The following AGTPBP1 variants were observed in gnomAD, a reference collection of about 807,000 sequenced individuals.
The protein encoded by AGTPBP1 is cytosolic carboxypeptidase 1.
AGTPBP1 carries 70 observed loss-of-function variants against 143.9 expected under a neutral mutation model. The ratio of observed to expected loss-of-function variants is 0.49; its 90% CI spans 0.40 to 0.59. AGTPBP1 has a LOEUF of 0.59. Among genes scored for constraint, AGTPBP1 ranks in the 20% least tolerant of loss-of-function variants. AGTPBP1 has a pLI of 0.00. For missense variants in AGTPBP1, 1,229 were observed against 1,464.5 expected, an observed-to-expected ratio of 0.84 and a Z score of 2.62; for synonymous variants, 463 against 500.2, an observed-to-expected ratio of 0.93 and a Z score of 0.99.
chr9:85,751,866 C>G, the AGTPBP1 span, among the ~76,000 whole-genome samples: 1 of 151,598 alleles, frequency 6.6e-6, no homozygotes, highest in Non-Finnish European at 1.5e-5. Flanking sequence ...CTCGGCCTCC[C>G]AAAGTGCTGG....
At chr9:85,601,484 C>T (rs1187407187) in intron 17 of AGTPBP1, among the ~76,000 whole-genome samples, 1 of 152,198 alleles carries the variant, frequency 6.6e-6, no homozygotes, top group Non-Finnish European at 1.5e-5. Flanking sequence ...GCGGATGGGC[C>T]ACCTCATCTG....
intron 25 of AGTPBP1, among the ~76,000 whole-genome samples, chr9:85,550,491 C>T (rs1349631862): frequency 6.6e-6 from 1 of 152,126 alleles, no homozygotes; most frequent in East Asian, 1.9e-4. Flanking sequence ...TTCCTCAAAC[C>T]TAGGCACTGT....
At position 85,632,694 on chromosome 9, in the gene AGTPBP1, C is replaced by A. The variant is rs201714218; in HGVS notation, c.1983G>T (p.Glu661Asp). ...YFGHIPPPFKEPILERPYGVQ... is the reference protein window; with the variant it reads ...YFGHIPPPFKDPILERPYGVQ... The stretch of plus-strand genomic sequence containing the variant: ...CACCATAAGGCCTTTCTAAAATAGG[C>A]TCTTTGAATGGAGGCGGAATGTGAC... Residue 661 changes from glutamate (E) to aspartate (D), a missense_variant, in exon 14 of 26, where the codon GAG (glutamate) becomes GAT (aspartate). Around this residue, in one of 2 missense-constraint regions of AGTPBP1, gnomAD observed 743 missense variants for 812.2 expected, o/e 0.91. Transcript: ENST00000357081. 8.7e-6 allele frequency: 14 copies of A among 1,611,784 alleles called. No homozygotes were observed. Among genetic ancestry groups the A allele is most frequent in the Non-Finnish European group, 9.3e-6 (11 of 1,178,984 alleles).
chr9:85,668,342 A>G (rs1834257994), intron 8 of AGTPBP1, among the ~76,000 whole-genome samples: 1 of 152,030 alleles, frequency 6.6e-6, no homozygotes, highest in African/African-American at 2.4e-5. Flanking sequence ...TTTAGATTGT[A>G]TTAAGTAAGT....
chr9:85,559,616 G>A (rs1448823710), intron 25 of AGTPBP1, among the ~76,000 whole-genome samples: 1 of 129,656 alleles, frequency 7.7e-6, no homozygotes, highest in African/African-American at 3.3e-5. Context: ...AGAAACTAGG[G>A]ACTGATAAGA....
chr9:85,561,486 CAT>C (rs1274363213), intron 25 of AGTPBP1, among the ~76,000 whole-genome samples: 1 of 151,914 alleles, frequency 6.6e-6, no homozygotes, highest in East Asian at 1.9e-4. Context: ...CAACAGAATC[CAT>C]ATCTTTGATG....
At chr9:85,708,801 G>A (rs932733059) in intron 2 of AGTPBP1, among the ~76,000 whole-genome samples, 3 of 152,200 alleles carry the variant, frequency 2.0e-5, no homozygotes, top group Admixed American at 6.5e-5. Flanking sequence ...CTCCCAAAGT[G>A]CTGGGATTAC....
In AGTPBP1 at chr9:85,636,258, T is replaced by C. The variant is rs1832035244; in HGVS notation, c.1303-2884A>G. On this transcript the variant is annotated intron_variant, in intron 13 of 25. Transcript: ENST00000357081. ...CTGATTAAATGCATTTTGTAAGGTT[T>C]CTTTTTTTTTTTTTTTTTTTTTGAG... 6.5e-5 allele frequency among the ~76,000 whole-genome samples: 9 copies of C among 139,510 alleles called. 1 individual carries two copies. The South Asian group carries it at 1.8e-3, about 28-fold the overall frequency. The allele number at this position is 139,510 out of a possible 152,430, so 91.5% of individuals were successfully genotyped here.
the AGTPBP1 span, among the ~76,000 whole-genome samples, chr9:85,775,153 A>C: frequency 6.6e-6 from 1 of 152,072 alleles, no homozygotes; most frequent in South Asian, 2.1e-4. Context: ...AGATACAAAA[A>C]ACTAGCCAAG....
rs1322646442 is a variant in AGTPBP1, at chr9:85,578,921, T to C, written c.3341A>G (p.Lys1114Arg). The C allele has an allele frequency of 6.2e-7, 1 of 1,612,354 alleles. No homozygotes were observed. Among genetic ancestry groups the C allele is most frequent in the Non-Finnish European group, 8.5e-7 (1 of 1,179,376 alleles). Residue 1114 changes from lysine to arginine, a missense_variant and splice_region_variant, in exon 24 of 26, where the codon AAG (lysine) becomes AGG (arginine). Coordinates refer to ENST00000357081, the MANE Select transcript of AGTPBP1 (RefSeq NM_001330701.2). ...TLCGCDQGKY[K>R]GLQIGTRELE... is the part of the protein sequence containing the mutation. ...GTTAGAAAACCTAAGATGTTTTACC[T>C]TGTATTTTCCCTGATCACAGCCACA...
chr9:85,630,461 C>CGATT (rs71372435), intron 14 of AGTPBP1, among the ~76,000 whole-genome samples: 4,416 of 148,902 alleles, frequency 0.03, 135 homozygotes, highest in African/African-American at 0.073. Flanking sequence ...TGCAGTGGCA[C>CGATT]GATTGATTGA....
At position 85,686,347 on chromosome 9, in the gene AGTPBP1, A is replaced by C. The variant is rs527465915; in HGVS notation, c.158-5012T>G. ...ACAAAATAAACTTCAGACAAAGAACACTGCCAGAGATAAAGAGAAACTTTC... is the reference window on the plus strand; with the variant it reads ...ACAAAATAAACTTCAGACAAAGAACCCTGCCAGAGATAAAGAGAAACTTTC... On this transcript the variant is annotated intron_variant, in intron 3 of 25. Transcript: ENST00000357081. Among the ~76,000 whole-genome samples the C allele has an allele frequency of 5.9e-5, 9 of 152,228 alleles. No homozygotes were observed. The East Asian group carries it at 1.5e-3, about 26-fold the overall frequency.
At chr9:85,726,236 A>AC (rs1014529662) in intron 1 of AGTPBP1, among the ~76,000 whole-genome samples, 1 of 151,442 alleles carries the variant, frequency 6.6e-6, no homozygotes, top group Admixed American at 6.6e-5. Context: ...TCTCAAAAAA[A>AC]AAAAAACAAA....
chr9:85,594,775 C>T (rs745589722), intron 18 of AGTPBP1, among the ~76,000 whole-genome samples: 4 of 152,126 alleles, frequency 2.6e-5, no homozygotes, highest in Non-Finnish European at 5.9e-5. Context: ...TTTGCCATCA[C>T]CCCTTACACA....
chr9:85,676,371 G>T (rs1185008210), intron 6 of AGTPBP1, among the ~76,000 whole-genome samples: 2 of 151,932 alleles, frequency 1.3e-5, no homozygotes, highest in African/African-American at 4.8e-5. Flanking sequence ...AAAGAGAAAG[G>T]ATTTTTTAAA....
At position 85,638,358 on chromosome 9, in the gene AGTPBP1, T is replaced by TA. The variant is rs965140712; in HGVS notation, c.1302+4468dup. Among the ~76,000 whole-genome samples, 10 of 150,908 alleles carry TA rather than the reference T, an allele frequency of 6.6e-5. No individual in the cohort carries two copies. The South Asian group carries it at 1.9e-3, about 28-fold the overall frequency. ...TATACCTCAAAAAAGTTGATTAAAA[T>TA]AAAAAAAAGACTGTATATACAGTTT... On this transcript the variant is annotated intron_variant, in intron 13 of 25. Coordinates refer to ENST00000357081, the MANE Select transcript of AGTPBP1 (RefSeq NM_001330701.2).
chr9:85,569,480 C>A (rs1375273025), intron 25 of AGTPBP1, among the ~76,000 whole-genome samples: 2 of 152,066 alleles, frequency 1.3e-5, no homozygotes, highest in Non-Finnish European at 2.9e-5. Flanking sequence ...TGGGGGGAAG[C>A]AGGCTTAAAA....
intron 1 of AGTPBP1, among the ~76,000 whole-genome samples, chr9:85,721,602 A>T (rs1489566605): frequency 6.6e-6 from 1 of 151,964 alleles, no homozygotes; most frequent in Non-Finnish European, 1.5e-5. Context: ...ACAGCACACA[A>T]ATGGGTCTTG....
chr9:85,802,168 A>C, the AGTPBP1 span, among the ~76,000 whole-genome samples: 1 of 152,126 alleles, frequency 6.6e-6, no homozygotes, highest in African/African-American at 2.4e-5. Flanking sequence ...TATCGTTCCA[A>C]GGTCATTGCA....
Sources: gnomAD v4.1 joint callset for allele counts (sites outside exome capture counted in the v4.1 genomes callset) on GRCh38, gnomAD v4.1.1 for gene constraint, gnomAD v4.1.1 regional missense constraint, MANE v1.5 for transcripts, NCBI Gene and HGNC (gene_info 2026-07-23, HGNC 2026-07-21) for gene names.